The following KPNA3 variants were observed in gnomAD, a reference collection of about 807,000 sequenced individuals.
The protein encoded by KPNA3 is importin subunit alpha-4.
Under a neutral mutation model 73.8 loss-of-function variants are expected in KPNA3, and 13 were observed. The ratio of observed to expected loss-of-function variants is 0.18; its 90% CI spans 0.11 to 0.28. The LOEUF (loss-of-function observed/expected upper bound fraction) is 0.28. Ranked by LOEUF, KPNA3 falls within the 10% of genes least tolerant of loss-of-function variation. The probability of loss-of-function intolerance (pLI) is 1.00; values close to 1 mark genes in which losing one functional copy is unlikely to be tolerated. For synonymous variants in KPNA3, 186 were observed against 206.9 expected (o/e 0.90, Z 0.87); for missense variants, 360 against 618.1 (o/e 0.58, Z 4.43).
At position 49,772,565 on chromosome 13, in the gene KPNA3, G is replaced by C. The variant is rs575219274; in HGVS notation, c.69+19873C>G. ...CACCTGTAATCCCATCACTTTGGGAGGCTGAGGCAGGTGGATCACCTGAGG... is the reference window on the plus strand; with the variant it reads ...CACCTGTAATCCCATCACTTTGGGACGCTGAGGCAGGTGGATCACCTGAGG... On this transcript the variant is annotated intron_variant, in intron 1 of 16. Transcript: ENST00000261667. Among the ~76,000 whole-genome samples the C allele has an allele frequency of 3.9e-5, 6 of 152,320 alleles. No homozygotes were observed. In the East Asian group the frequency reaches 1.2e-3, roughly 29 times the overall value.
intron 7 of KPNA3, among the ~76,000 whole-genome samples, chr13:49,723,638 G>A (rs1446042350): frequency 2.0e-5 from 3 of 151,322 alleles, no homozygotes; most frequent in African/African-American, 7.3e-5. Context: ...TTTGGGAAGC[G>A]AGGCGGGCAG....
intron 7 of KPNA3, among the ~76,000 whole-genome samples, chr13:49,723,443 G>A (rs1035322206): frequency 6.6e-6 from 1 of 151,976 alleles, no homozygotes; most frequent in African/African-American, 2.4e-5. Flanking sequence ...GGTGGTGGGC[G>A]CCTGTAATCC....
intron 1 of KPNA3, 86 bp downstream of exon 1, chr13:49,792,352 A>C: frequency 1.1e-6 from 1 of 884,602 alleles, no homozygotes; most frequent in Non-Finnish European, 1.5e-6. Context: ...AGCCGACGAG[A>C]ACCAGCCCGG....
intron 2 of KPNA3, among the ~76,000 whole-genome samples, chr13:49,738,395 T>C (rs1954543894): frequency 6.6e-6 from 1 of 152,212 alleles, no homozygotes; most frequent in Non-Finnish European, 1.5e-5. Context: ...CAAAATATCT[T>C]GGTTGAATTT....
chr13:49,721,027 T>C (rs370074840), intron 9 of KPNA3, among the ~76,000 whole-genome samples: 1 of 152,054 alleles, frequency 6.6e-6, no homozygotes, highest in South Asian at 2.1e-4. Context: ...GAGACCAGCC[T>C]GGCCTACACA....
chr13:49,706,431 T>C, intron 12 of KPNA3, 59 bp from the exon 13 acceptor site: 1 of 1,147,064 alleles, frequency 8.7e-7, no homozygotes, highest in Non-Finnish European at 1.3e-6. Context: ...TTAATGTCTT[T>C]CTAATATATT....
At chr13:49,769,528 CAT>C (rs1366415318) in intron 1 of KPNA3, among the ~76,000 whole-genome samples, 1 of 152,210 alleles carries the variant, frequency 6.6e-6, no homozygotes, top group African/African-American at 2.4e-5. Flanking sequence ...CAAATGGAAT[CAT>C]ATAATATGTG....
chr13:49,712,294 C>G (rs1196709047), intron 10 of KPNA3, among the ~76,000 whole-genome samples: 2 of 152,040 alleles, frequency 1.3e-5, no homozygotes, highest in African/African-American at 4.8e-5. Flanking sequence ...TGAGATGACA[C>G]ACATATTGGA....
intron 1 of KPNA3, among the ~76,000 whole-genome samples, chr13:49,754,134 T>C (rs1954690488): frequency 6.6e-6 from 1 of 151,960 alleles, no homozygotes. Context: ...TCATCTCTAC[T>C]AAAAATACAA....
intron 2 of KPNA3, among the ~76,000 whole-genome samples, chr13:49,736,943 T>A (rs77766506): frequency 0.011 from 1,693 of 152,310 alleles, 23 homozygotes; most frequent in Non-Finnish European, 0.017. Flanking sequence ...ATAACCTTTT[T>A]ATGACAGAAT....
At chr13:49,743,417 C>T (rs1000099725) in intron 2 of KPNA3, among the ~76,000 whole-genome samples, 5 of 151,952 alleles carry the variant, frequency 3.3e-5, no homozygotes, top group African/African-American at 4.8e-5. Context: ...AAACTTCAGG[C>T]GTTGTTTCAG....
chr13:49,744,214 A>G (rs1954597345), intron 2 of KPNA3, among the ~76,000 whole-genome samples: 1 of 144,860 alleles, frequency 6.9e-6, no homozygotes, highest in Non-Finnish European at 1.6e-5. Flanking sequence ...GTATGTCAAC[A>G]AAATGTGAAA....
At chr13:49,713,674 C>CACACACAAAAAA (rs563909268) in intron 10 of KPNA3, among the ~76,000 whole-genome samples, 1 of 141,896 alleles carries the variant, frequency 7.0e-6, no homozygotes, top group Non-Finnish European at 1.6e-5. Flanking sequence ...CACACACACA[C>CACACACAAAAAA]AAAACAGAAA....
chr13:49,761,803 T>G (rs1954764462), intron 1 of KPNA3, among the ~76,000 whole-genome samples: 2 of 150,306 alleles, frequency 1.3e-5, no homozygotes, highest in Admixed American at 1.3e-4. Flanking sequence ...GGAGCATCTC[T>G]GCCCGGCCGC....
rs940404395 is a variant in KPNA3 at position 49,700,898 on chromosome 13, T to G, written c.*902A>C. The G allele has an allele frequency of 2.0e-5, 3 of 151,788 alleles. No homozygotes were observed. Among genetic ancestry groups the G allele is most frequent in the East Asian group, 1.9e-4 (1 of 5,136 alleles). 9.4% of individuals were successfully genotyped at this position (151,788 alleles called of 1,614,324 possible). ...CAATGGGTATTTTAGACTTTTGCAG[T>G]TTTTTTTTGTTTGCTTTTTGTTTTG... On this transcript the variant is annotated 3_prime_UTR_variant, in exon 17 of 17. Transcript: ENST00000261667.
chr13:49,786,258 T>C (rs1954981548), intron 1 of KPNA3, among the ~76,000 whole-genome samples: 2 of 152,202 alleles, frequency 1.3e-5, no homozygotes, highest in Non-Finnish European at 2.9e-5. Flanking sequence ...TCTCTTCTCA[T>C]TAAGTTTCAT....
chr13:49,764,052 G>T, intron 1 of KPNA3, among the ~76,000 whole-genome samples: 1 of 126,476 alleles, frequency 7.9e-6, no homozygotes, highest in African/African-American at 3.2e-5. Flanking sequence ...GGGTAACAGA[G>T]AGAGACCCTG....
chr13:49,767,247 T>A (rs1954816120), intron 1 of KPNA3, among the ~76,000 whole-genome samples: 1 of 151,468 alleles, frequency 6.6e-6, no homozygotes, highest in African/African-American at 2.4e-5. Context: ...TGAAACCCCG[T>A]CTCTACTAAA....
chr13:49,736,958 G>GC (rs1954527324), intron 2 of KPNA3, among the ~76,000 whole-genome samples: 1 of 151,986 alleles, frequency 6.6e-6, no homozygotes, highest in Admixed American at 6.6e-5. Flanking sequence ...CAGAATTATA[G>GC]GCTCAGTATA....
Sources: allele counts gnomAD v4.1 joint callset (sites outside exome capture counted in the v4.1 genomes callset), GRCh38; gene constraint gnomAD v4.1.1; transcripts MANE v1.5; gene names NCBI Gene and HGNC (gene_info 2026-07-23, HGNC 2026-07-21).